ITGAE: variants seen among roughly 807,000 people sequenced by gnomAD.
ITGAE encodes the protein integrin subunit alpha E, also known as integrin alpha-E.
Under a neutral mutation model 136.5 loss-of-function variants are expected in ITGAE, and 99 were observed. That is an observed-to-expected ratio of 0.73 (90% CI 0.62 to 0.86). The LOEUF (loss-of-function observed/expected upper bound fraction) is 0.86, where lower values mean the gene tolerates loss of function less well. ITGAE is among the 40% of genes least tolerant of loss of function. The pLI is 0.00. For synonymous variants in ITGAE, 613 were observed against 591.8 expected (o/e 1.04, Z -0.52); for missense variants, 1,447 against 1,515.3 (o/e 0.95, Z 0.75).
intron 2 of ITGAE, among the ~76,000 whole-genome samples, chr17:3,773,459 G>C (rs775380829): frequency 2.0e-5 from 3 of 152,062 alleles, no homozygotes; most frequent in African/African-American, 7.2e-5. Flanking sequence ...ACTCCAGCCT[G>C]GGTGGCAGAG....
Position 3,720,326 on chromosome 17 carries a change from G to T in ITGAE, c.3314C>A (p.Ala1105Glu). The T allele has an allele frequency of 6.4e-7, 1 of 1,574,752 alleles. No individual in the cohort carries two copies. The highest frequency in any genetic ancestry group is 8.7e-7 in the Non-Finnish European group (1 of 1,144,350). ...FNKSLYEGLN[A>E]ENHRTKITVV... ...AATTACCTTAGTTCTGTGGTTCTCT[G>T]CATTCAGTCCCTCATATAGAGATTT... is the stretch of plus-strand genomic sequence containing the variant. The change falls in exon 29 of 31, where the codon GCA (alanine) becomes GAA (glutamate). Residue 1105 changes from alanine (A) to glutamate (E), a missense_variant. Ala to Glu is a moderately radical substitution (Grantham distance 107). This residue lies in a region of ITGAE where 1,031 missense variants were observed against 1,011.4 expected (regional missense o/e 1.02). Transcript: ENST00000263087.
At chr17:3,724,264 C>G in intron 26 of ITGAE, 1 of 1,591,548 alleles carries the variant, frequency 6.3e-7, no homozygotes, top group Non-Finnish European at 8.5e-7. Flanking sequence ...CCAAGCCTAA[C>G]CGTGACCCCA....
At chr17:3,730,287 C>G (rs543343022) in intron 23 of ITGAE, 2 of 152,092 alleles carry the variant, frequency 1.3e-5, no homozygotes, top group Non-Finnish European at 2.9e-5. Context: ...AACCCCATCT[C>G]TACTAAAACT....
intron 17 of ITGAE, 98 bp downstream of exon 17, chr17:3,747,821 CCCA>C: frequency 6.6e-6 from 2 of 304,370 alleles, no homozygotes; most frequent in South Asian, 3.8e-5. Context: ...CAGACCAACA[CCCA>C]CCCACCCCCC....
intron 16 of ITGAE, among the ~76,000 whole-genome samples, chr17:3,749,324 C>T (rs181949739): frequency 7.7e-4 from 117 of 151,940 alleles, no homozygotes; most frequent in Non-Finnish European, 1.4e-3. Context: ...GCGCGATCTC[C>T]GCTCACTGCA....
At chr17:3,790,877 G>A (rs888595936) in intron 1 of ITGAE, among the ~76,000 whole-genome samples, 5 of 152,078 alleles carry the variant, frequency 3.3e-5, no homozygotes, top group Admixed American at 6.6e-5. Context: ...TTTGGAGGCC[G>A]GGCATGGTGG....
chr17:3,745,244 C>A (rs893793765), intron 18 of ITGAE, among the ~76,000 whole-genome samples: 1 of 151,982 alleles, frequency 6.6e-6, no homozygotes, highest in African/African-American at 2.4e-5. Flanking sequence ...GGTCTGATAA[C>A]GCATGCCAAG....
rs79184401 is a variant in ITGAE at position 3,740,009 on chromosome 17, G to C, written c.2449-131C>G. 30 of 711,364 alleles carry C rather than the reference G, an allele frequency of 4.2e-5. No homozygotes were observed. The East Asian group carries it at 7.4e-4, about 18-fold the overall frequency. The allele number at this position is 711,364 out of a possible 1,614,324, so 44.1% of individuals were successfully genotyped here. ...ACCCTGAGAAGTGCAGTTACAGGGA[G>C]GTGAGGGGTGCAGGCTGGGATTGTC... On this transcript the variant is annotated intron_variant, in intron 19 of 30. Transcript: ENST00000263087.
intron 18 of ITGAE, among the ~76,000 whole-genome samples, chr17:3,744,144 G>A (rs777429118): frequency 1.3e-4 from 20 of 151,846 alleles, no homozygotes; most frequent in Non-Finnish European, 2.5e-4. Context: ...CCAAAGTGCT[G>A]GGATTTCCAA....
At chr17:3,714,968 G>A (rs564189089) in intron 30 of ITGAE, 26 bp from the exon 31 acceptor site, 1 of 1,390,864 alleles carries the variant, frequency 7.2e-7, no homozygotes, top group East Asian at 2.3e-5. Flanking sequence ...GAAAAGTCCA[G>A]TTACAGGCCA....
intron 25 of ITGAE, 25 bp downstream of exon 25, chr17:3,728,080 C>G (rs1463509548): frequency 6.2e-7 from 1 of 1,606,980 alleles, no homozygotes; most frequent in Non-Finnish European, 8.5e-7. Flanking sequence ...TTGCCATCTA[C>G]AGCTTTACAA....
At chr17:3,788,760 T>TAATAATTATTAAAATAATTATTTAAA (rs1403920714) in intron 1 of ITGAE, among the ~76,000 whole-genome samples, 14 of 145,974 alleles carry the variant, frequency 9.6e-5, no homozygotes, top group African/African-American at 3.5e-4. Flanking sequence ...TATTTAAAAA[T>TAATAATTATTAAAATAATTATTTAAA]AATAATTATT....
chr17:3,761,077 C>T lies in ITGAE; in HGVS notation c.534G>A (p.Arg178=). ...CTTCCTCCTCCTCCTTCTCCAGAGC[C>T]CGGCGCTGCCTGGCTGTGTTCACAT... ...EDDVNTARQR[R]ALEKEEEEDK... The change falls in exon 6 of 31, where the codon CGG becomes CGA. Residue 178 remains arginine (R), a synonymous_variant. Transcript: ENST00000263087. 6.2e-7 allele frequency: 1 copy of T among 1,611,454 alleles called. No individual in the cohort carries two copies. The highest frequency in any genetic ancestry group is 8.5e-7 in the Non-Finnish European group (1 of 1,180,016).
At chr17:3,762,589 ATTTTT>A (rs1201695419) in intron 3 of ITGAE, among the ~76,000 whole-genome samples, 1 of 111,782 alleles carries the variant, frequency 8.9e-6, no homozygotes, top group Non-Finnish European at 1.8e-5. Flanking sequence ...TCAGACAAGG[ATTTTT>A]TTTTTTTTTT....
At chr17:3,740,830 T>A (rs2051567524) in intron 19 of ITGAE, among the ~76,000 whole-genome samples, 1 of 152,216 alleles carries the variant, frequency 6.6e-6, no homozygotes, top group Non-Finnish European at 1.5e-5. Context: ...TCTGTTTTTG[T>A]ATTATGAAGG....
rs1262454278 is a variant in ITGAE at position 3,798,826 on chromosome 17, G to C, written c.34+2285C>G. Among the ~76,000 whole-genome samples the C allele has an allele frequency of 6.6e-6, 1 of 152,202 alleles. No homozygotes were observed. The highest frequency in any genetic ancestry group is 2.4e-5 in the African/African-American group (1 of 41,452). On this transcript the variant is annotated intron_variant, in intron 1 of 30. Transcript: ENST00000263087. This position sits in a 1 kb window ranked among gnomAD's most constrained non-coding sequence, Gnocchi z 4.3. ...GAGTCAGGGGTGAAGACTGACTTGG[G>C]GACAGCAGGCCACAGGGTAAGAGGG... is the stretch of plus-strand genomic sequence containing the variant.
intron 26 of ITGAE, chr17:3,725,905 TAAAG>T (rs761278232): frequency 1.2e-6 from 2 of 1,613,060 alleles, no homozygotes; most frequent in Non-Finnish European, 1.7e-6. Context: ...AACGTGCTCT[TAAAG>T]AAAACCAGCC....
intron 3 of ITGAE, among the ~76,000 whole-genome samples, chr17:3,762,901 A>AT (rs1005240281): frequency 2.3e-4 from 31 of 132,032 alleles, no homozygotes; most frequent in East Asian, 8.9e-4. Flanking sequence ...GCCTGGCAGG[A>AT]TTTTTTTTTT....
At chr17:3,767,974 C>T (rs1056497550) in intron 2 of ITGAE, among the ~76,000 whole-genome samples, 28 of 152,080 alleles carry the variant, frequency 1.8e-4, no homozygotes, top group African/African-American at 6.8e-4. Flanking sequence ...CCAAATAAGG[C>T]AAGAAAACAG....
Sources: allele counts gnomAD v4.1 joint callset (sites outside exome capture counted in the v4.1 genomes callset), GRCh38; gene constraint gnomAD v4.1.1; regional missense constraint gnomAD v4.1.1; non-coding constraint Gnocchi (gnomAD v3.1); transcripts MANE v1.5; gene names NCBI Gene and HGNC (gene_info 2026-07-23, HGNC 2026-07-21).